LSAMP: variants seen among roughly 807,000 people sequenced by gnomAD.
LSAMP encodes limbic system associated membrane protein, also known as limbic system-associated membrane protein.
LSAMP carries 7 observed loss-of-function variants against 38.6 expected under a neutral mutation model. The observed-to-expected ratio is 0.18, with a 90% CI of 0.10 to 0.34. LSAMP has a LOEUF of 0.34. Among genes scored for constraint, LSAMP ranks in the 10% least tolerant of loss-of-function variants. The probability of loss-of-function intolerance (pLI) is 1.00; values close to 1 mark genes in which losing one functional copy is unlikely to be tolerated. For missense variants in LSAMP, 313 were observed against 420.0 expected, an observed-to-expected ratio of 0.75 and a Z score of 2.23; for synonymous variants, 154 against 166.8, an observed-to-expected ratio of 0.92 and a Z score of 0.59.
intron 3 of LSAMP, among the ~76,000 whole-genome samples, chr3:115,863,944 A>T (rs1476543338): frequency 2.6e-5 from 4 of 152,182 alleles, no homozygotes; most frequent in Non-Finnish European, 5.9e-5. Flanking sequence ...GAGGCATAGT[A>T]ATAAGCAAGT....
intron 6 of LSAMP, among the ~76,000 whole-genome samples, chr3:115,812,730 T>C (rs1255290622): frequency 6.6e-6 from 1 of 152,220 alleles, no homozygotes; most frequent in Non-Finnish European, 1.5e-5. Context: ...GCACCAGAGA[T>C]AGTGTAAAAC....
intron 3 of LSAMP, among the ~76,000 whole-genome samples, chr3:116,007,202 TTTGAGTTGACCAAC>T (rs763623333): frequency 2.0e-5 from 3 of 152,208 alleles, no homozygotes; most frequent in Admixed American, 6.5e-5. Flanking sequence ...CTCATGGGCT[TTTGAGTTGACCAAC>T]TTGAGAAAAA....
intron 3 of LSAMP, among the ~76,000 whole-genome samples, chr3:116,014,022 C>T (rs1425729010): frequency 2.0e-5 from 3 of 152,102 alleles, no homozygotes; most frequent in Admixed American, 6.6e-5. Context: ...TCATTGAATG[C>T]CATAATTTTT....
chr3:115,939,180 A>G (rs1937810441), intron 3 of LSAMP, among the ~76,000 whole-genome samples: 1 of 152,178 alleles, frequency 6.6e-6, no homozygotes, highest in South Asian at 2.1e-4. Flanking sequence ...CTAATAAATA[A>G]TAAAATAAAT....
At chr3:116,004,447 T>C (rs1940092909) in intron 3 of LSAMP, among the ~76,000 whole-genome samples, 1 of 151,018 alleles carries the variant, frequency 6.6e-6, no homozygotes, top group South Asian at 2.1e-4. Flanking sequence ...CACATATACA[T>C]ATATACACAA....
In LSAMP at chr3:116,256,902, C is replaced by T. The variant is rs577146951; in HGVS notation, c.156-170346G>A. ...GTTCCACAGTCACAAAAATCAAGTC[C>T]TATTTTACCTTTCTTTCAGCTGCTG... On this transcript the variant is annotated intron_variant, in intron 1 of 6. Transcript: ENST00000490035. Among the ~76,000 whole-genome samples the T allele has an allele frequency of 6.6e-5, 10 of 152,280 alleles. No homozygotes were observed. The East Asian group carries it at 1.9e-3, about 29-fold the overall frequency.
intron 1 of LSAMP, among the ~76,000 whole-genome samples, chr3:116,178,432 T>A (rs1576414245): frequency 1.3e-5 from 2 of 152,180 alleles, no homozygotes; most frequent in African/African-American, 4.8e-5. Flanking sequence ...CCTCTCAAAG[T>A]GCTGGGATTA....
chr3:116,112,729 C>A (rs879286395), intron 1 of LSAMP, among the ~76,000 whole-genome samples: 4 of 152,196 alleles, frequency 2.6e-5, no homozygotes, highest in African/African-American at 7.2e-5. Flanking sequence ...AAGTGGGGAA[C>A]GAGTTTGGTA....
chr3:115,957,063 A>G (rs986958951), intron 3 of LSAMP, among the ~76,000 whole-genome samples: 1 of 152,202 alleles, frequency 6.6e-6, no homozygotes, highest in African/African-American at 2.4e-5. Flanking sequence ...TAATGAAAGT[A>G]CTCTGATTCT....
chr3:116,065,304 TA>T (rs1325882409), intron 2 of LSAMP, among the ~76,000 whole-genome samples: 3 of 152,246 alleles, frequency 2.0e-5, no homozygotes, highest in African/African-American at 7.2e-5. Context: ...TAGATTTATA[TA>T]TCATTCATGA....
intron 1 of LSAMP, among the ~76,000 whole-genome samples, chr3:116,152,811 TAC>T (rs892798667): frequency 6.6e-6 from 1 of 152,018 alleles, no homozygotes; most frequent in Non-Finnish European, 1.5e-5. Context: ...TAGAAATATG[TAC>T]ACACACACAA....
At chr3:115,874,736 C>G (rs890782536) in intron 3 of LSAMP, among the ~76,000 whole-genome samples, 4 of 152,008 alleles carry the variant, frequency 2.6e-5, no homozygotes, top group Admixed American at 2.6e-4. Context: ...AGTTATAACT[C>G]TATTCAGTGT....
At chr3:116,004,925 C>A (rs924975362) in intron 3 of LSAMP, among the ~76,000 whole-genome samples, 3 of 152,048 alleles carry the variant, frequency 2.0e-5, no homozygotes, top group Non-Finnish European at 4.4e-5. Flanking sequence ...CTCCTACATA[C>A]GTGAGAAATT....
At chr3:116,420,101 CTTT>C (rs374517771) in intron 1 of LSAMP, among the ~76,000 whole-genome samples, 1 of 143,606 alleles carries the variant, frequency 7.0e-6, no homozygotes, top group African/African-American at 2.5e-5. Flanking sequence ...TTTTTCTTTT[CTTT>C]TTTTTTTTTT....
intron 1 of LSAMP, among the ~76,000 whole-genome samples, chr3:116,432,428 C>T (rs958433118): frequency 2.6e-5 from 4 of 151,694 alleles, no homozygotes; most frequent in African/African-American, 9.7e-5. Context: ...AATTATACTT[C>T]ATAACAGATC....
intron 1 of LSAMP, among the ~76,000 whole-genome samples, chr3:116,185,071 C>T (rs1305801049): frequency 1.5e-5 from 2 of 136,162 alleles, no homozygotes; most frequent in African/African-American, 5.5e-5. Context: ...GGCACAGTTT[C>T]CTTTCCTGGA....
intron 1 of LSAMP, among the ~76,000 whole-genome samples, chr3:116,374,070 A>G (rs972135357): frequency 9.9e-5 from 15 of 151,924 alleles, no homozygotes; most frequent in African/African-American, 3.4e-4. Flanking sequence ...CATCACTAAT[A>G]TCTTATATAA....
intron 4 of LSAMP, among the ~76,000 whole-genome samples, chr3:115,850,817 A>G (rs1935305821): frequency 6.6e-6 from 1 of 152,206 alleles, no homozygotes; most frequent in South Asian, 2.1e-4. Flanking sequence ...GGTCACAGGT[A>G]ATGGTGCATC....
In LSAMP at chr3:116,108,708, G is replaced by T. The variant is rs549842020; in HGVS notation, c.156-22152C>A. On this transcript the variant is annotated intron_variant, in intron 1 of 6. Transcript: ENST00000490035. ...TTCTAGTGGGGTCCCGCAGAGATGG[G>T]ACGTGGCTTAGGAGAAATCCTGGGC... is the stretch of plus-strand genomic sequence containing the variant. Among the ~76,000 whole-genome samples, 4 of 152,310 alleles carry T rather than the reference G, an allele frequency of 2.6e-5. No homozygotes were observed. The South Asian group carries it at 8.3e-4, about 32-fold the overall frequency.
Sources: gnomAD v4.1 joint callset for allele counts (sites outside exome capture counted in the v4.1 genomes callset) on GRCh38, gnomAD v4.1.1 for gene constraint, MANE v1.5 for transcripts, NCBI Gene and HGNC (gene_info 2026-07-23, HGNC 2026-07-21) for gene names.